JADE1: variants seen among roughly 807,000 people sequenced by gnomAD.
The protein encoded by JADE1 is jade family PHD finger 1, also known as protein Jade-1.
A neutral mutation model predicts 81.8 loss-of-function variants in JADE1; 14 were observed. That is an observed-to-expected ratio of 0.17 (90% CI 0.11 to 0.27). The LOEUF is 0.27. JADE1 is among the 10% of genes least tolerant of loss of function. The probability of loss-of-function intolerance (pLI) is 1.00; values close to 1 mark genes in which losing one functional copy is unlikely to be tolerated. For synonymous variants in JADE1, 353 were observed against 391.9 expected (o/e 0.90, Z 1.17); for missense variants, 690 against 1,047.9 (o/e 0.66, Z 4.71).
intron 9 of JADE1, chr4:128,862,569 G>C: frequency 8.9e-7 from 1 of 1,125,946 alleles, no homozygotes; most frequent in South Asian, 2.7e-5. Flanking sequence ...ATGACCCAAG[G>C]AGTTGACTCA....
In JADE1 at chr4:128,815,120, G is replaced by GCTCCCTGTAAGCTCGGC. The variant is rs1726889447; in HGVS notation, c.-27+5257_-27+5258insGGCCTCCCTGTAAGCTC. ...GCTGGAGTGCAGGGGTGCGATCTCG[G>GCTCCCTGTAAGCTCGGC]CTCCCTGTAAGCTCCGCCTCCCTGT... On this transcript the variant is annotated intron_variant, in intron 1 of 10. Transcript: ENST00000226319. Among the ~76,000 whole-genome samples, 3 of 112,554 alleles carry GCTCCCTGTAAGCTCGGC rather than the reference G, an allele frequency of 2.7e-5. No homozygotes were observed. The East Asian group carries it at 8.0e-4, about 30-fold the overall frequency. The allele number at this position is 112,554 out of a possible 152,430, so 73.8% of individuals were successfully genotyped here. A position where few individuals can be genotyped will look rare whatever the true frequency, so the allele number is the denominator to read the frequency against.
chr4:128,819,107 A>G (rs903885429), intron 1 of JADE1, among the ~76,000 whole-genome samples: 4 of 152,166 alleles, frequency 2.6e-5, no homozygotes, highest in African/African-American at 9.7e-5. Context: ...CCCCAGATTT[A>G]TAGTAAGACA....
chr4:128,862,431 C>T, intron 9 of JADE1: 2 of 1,374,782 alleles, frequency 1.5e-6, no homozygotes, highest in South Asian at 1.8e-5. Context: ...TGGGGAGCTT[C>T]TTTGTGGTTT....
chr4:128,863,360 T>C, intron 9 of JADE1: 3 of 985,530 alleles, frequency 3.0e-6, no homozygotes, highest in Non-Finnish European at 2.4e-6. Flanking sequence ...AGTGAGGTTT[T>C]CTGGCCTGAA....
chr4:128,852,158 C>T lies in JADE1; in HGVS notation c.586C>T (p.Leu196=), dbSNP rs147434570. The T allele has an allele frequency of 3.1e-5, 50 of 1,613,962 alleles. No homozygotes were observed. The Admixed American group carries it at 3.3e-4, about 11-fold the overall frequency. The change falls in exon 6 of 11, where the codon CTG becomes TTG. Residue 196 remains leucine (L), a synonymous_variant. Transcript: ENST00000226319. ...MNHAIETEEG[L]GIEYDEDVVC... ...TCATGCCATAGAGACTGAGGAAGGC[C>T]TGGGGATCGAATATGATGAAGATGT... is the stretch of plus-strand genomic sequence containing the variant.
chr4:128,839,189 A>G (rs1221750590), intron 2 of JADE1, among the ~76,000 whole-genome samples: 1 of 152,182 alleles, frequency 6.6e-6, no homozygotes, highest in Non-Finnish European at 1.5e-5. Context: ...TGCGTCTTAT[A>G]CCAGTGGCTC....
At chr4:128,851,421 G>C (rs1198312663) in intron 5 of JADE1, among the ~76,000 whole-genome samples, 3 of 152,156 alleles carry the variant, frequency 2.0e-5, no homozygotes, top group Non-Finnish European at 4.4e-5. Flanking sequence ...TCACTTACGT[G>C]TTAGTTGTTA....
intron 8 of JADE1, among the ~76,000 whole-genome samples, chr4:128,857,867 G>T (rs1464588313): frequency 1.3e-5 from 2 of 152,116 alleles, no homozygotes; most frequent in Admixed American, 6.5e-5. Flanking sequence ...TGCAGACCCT[G>T]GCCCACCTCT....
At chr4:128,852,493 C>T (rs529606701) in intron 6 of JADE1, among the ~76,000 whole-genome samples, 12 of 152,330 alleles carry the variant, frequency 7.9e-5, no homozygotes, top group South Asian at 2.1e-4. Flanking sequence ...CTGTGGAAAT[C>T]GTCTTTCTTC....
rs1348343309 is a variant in JADE1, at chr4:128,871,495, G to A, written c.1762G>A (p.Val588Ile). 5.0e-6 allele frequency: 8 copies of A among 1,614,016 alleles called. No homozygotes were observed. The Admixed American group carries it at 6.7e-5, about 13-fold the overall frequency. ...CAGAAAACAAATGGGTACTTCCTTG[G>A]TTCATTCGCTGAAAAAGCCCCATAA... ...FFRKQMGTSL[V>I]HSLKKPHKRD... The change falls in exon 11 of 11, where the codon GTT (valine) becomes ATT (isoleucine). Residue 588 changes from valine (V) to isoleucine (I), a missense_variant. This residue lies in a region of JADE1 where 86 missense variants were observed against 95.4 expected (regional missense o/e 0.90). Coordinates refer to ENST00000226319, the MANE Select transcript of JADE1 (RefSeq NM_199320.4). This position sits in a 1 kb window ranked among gnomAD's most constrained non-coding sequence, Gnocchi z 4.1.
At chr4:128,857,996 A>G (rs887548579) in intron 8 of JADE1, among the ~76,000 whole-genome samples, 7 of 152,160 alleles carry the variant, frequency 4.6e-5, no homozygotes, top group Non-Finnish European at 1.0e-4. Context: ...CGGCCTGGGT[A>G]GAGGGGCATC....
chr4:128,847,580 A>T (rs948550557), intron 4 of JADE1, among the ~76,000 whole-genome samples: 5 of 152,190 alleles, frequency 3.3e-5, no homozygotes, highest in Admixed American at 3.3e-4. Flanking sequence ...TGTGTCTGAG[A>T]TGCAGCATCA....
At chr4:128,827,505 A>C (rs1728181153) in intron 1 of JADE1, among the ~76,000 whole-genome samples, 1 of 152,210 alleles carries the variant, frequency 6.6e-6, no homozygotes, top group Non-Finnish European at 1.5e-5. Flanking sequence ...AGCCTGGCCC[A>C]ACCAATGCAA....
intron 2 of JADE1, among the ~76,000 whole-genome samples, chr4:128,838,691 C>T (rs77049381): frequency 0.022 from 3,397 of 152,156 alleles, 110 homozygotes; most frequent in African/African-American, 0.074. Context: ...ACTGTCCCAC[C>T]CCCAATATTT....
intron 8 of JADE1, among the ~76,000 whole-genome samples, chr4:128,860,785 C>T (rs1276742377): frequency 6.6e-6 from 1 of 152,184 alleles, no homozygotes; most frequent in African/African-American, 2.4e-5. Flanking sequence ...GCATAGGTTG[C>T]TGATACCTGG....
intron 2 of JADE1, among the ~76,000 whole-genome samples, chr4:128,834,533 T>TTTC (rs1553945374): frequency 7.0e-6 from 1 of 143,588 alleles, no homozygotes; most frequent in African/African-American, 2.6e-5. Flanking sequence ...AATATTTCTT[T>TTTC]TTTTTTTTTT....
chr4:128,858,537 G>T (rs558070044), intron 8 of JADE1, among the ~76,000 whole-genome samples: 1 of 152,074 alleles, frequency 6.6e-6, no homozygotes, highest in East Asian at 1.9e-4. Flanking sequence ...TTAAAGAAAT[G>T]ACCTCATTTG....
At chr4:128,866,029 T>A (rs532797519) in intron 9 of JADE1, among the ~76,000 whole-genome samples, 1 of 152,336 alleles carries the variant, frequency 6.6e-6, no homozygotes, top group Admixed American at 6.5e-5. Flanking sequence ...CTGCTATGGA[T>A]CTAGGTCTGG....
At chr4:128,864,677 A>G (rs1731653372) in intron 9 of JADE1, 1 of 851,566 alleles carries the variant, frequency 1.2e-6, no homozygotes, top group Admixed American at 6.2e-5. Context: ...TTCACACAAT[A>G]TCAGTTTATA....
Sources: allele counts gnomAD v4.1 joint callset (sites outside exome capture counted in the v4.1 genomes callset), GRCh38; gene constraint gnomAD v4.1.1; regional missense constraint gnomAD v4.1.1; non-coding constraint Gnocchi (gnomAD v3.1); transcripts MANE v1.5; gene names NCBI Gene and HGNC (gene_info 2026-07-23, HGNC 2026-07-21).